STPG2: variants seen among roughly 807,000 people sequenced by gnomAD.
STPG2 encodes the protein sperm tail PG-rich repeat containing 2, also known as sperm-tail PG-rich repeat-containing protein 2.
Under a neutral mutation model 54.2 loss-of-function variants are expected in STPG2, and 56 were observed. The observed-to-expected ratio is 1.03, with a 90% CI of 0.83 to 1.29. STPG2 has a LOEUF of 1.29. Among genes scored for constraint, STPG2 ranks in the 50% most tolerant of loss-of-function variants. The pLI is 0.00. For missense variants in STPG2, 596 were observed against 544.9 expected (o/e 1.09, Z -0.93); for synonymous variants, 200 against 181.8 (o/e 1.10, Z -0.81).
intron 9 of STPG2, among the ~76,000 whole-genome samples, chr4:97,724,435 T>A (rs1050446001): frequency 6.6e-6 from 1 of 152,170 alleles, no homozygotes; most frequent in Non-Finnish European, 1.5e-5. Flanking sequence ...ATTCTCTTTA[T>A]GAAATTGTTT....
chr4:97,924,797 G>A (rs1421843317), intron 8 of STPG2, among the ~76,000 whole-genome samples: 2 of 152,046 alleles, frequency 1.3e-5, no homozygotes, highest in Admixed American at 6.6e-5. Flanking sequence ...TTGCATCAGG[G>A]ACCTTAAATT....
rs1248203978 is a variant in STPG2, at chr4:97,628,571, G to A, written c.1321-69454C>T. Reference sequence around the variant, plus strand: ...AATGTTTATTTTATCACTGTGCTTAGCAATTAATGTGTTACTATATTTCAT... The same window carrying A: ...AATGTTTATTTTATCACTGTGCTTAACAATTAATGTGTTACTATATTTCAT... On this transcript the variant is annotated intron_variant, in intron 10 of 10. Coordinates refer to ENST00000295268, the MANE Select transcript of STPG2 (RefSeq NM_174952.3). Among the ~76,000 whole-genome samples, 5 of 152,034 alleles carry A rather than the reference G, an allele frequency of 3.3e-5. No homozygotes were observed. The East Asian group carries it at 9.6e-4, about 29-fold the overall frequency.
At chr4:97,742,559 G>GTATATATATA (rs1190365992) in intron 9 of STPG2, among the ~76,000 whole-genome samples, 1 of 132,680 alleles carries the variant, frequency 7.5e-6, no homozygotes, top group African/African-American at 3.1e-5. Flanking sequence ...GTGTGTGTGT[G>GTATATATATA]TGTGTGTCTA....
chr4:97,772,037 A>G (rs1726236799), intron 9 of STPG2, among the ~76,000 whole-genome samples: 1 of 152,182 alleles, frequency 6.6e-6, no homozygotes, highest in Non-Finnish European at 1.5e-5. Flanking sequence ...GAAACTGGAG[A>G]GCCCCTTCCT....
chr4:97,661,626 C>G (rs1205359485), intron 10 of STPG2, among the ~76,000 whole-genome samples: 1 of 151,878 alleles, frequency 6.6e-6, no homozygotes, highest in Non-Finnish European at 1.5e-5. Context: ...CTGAAATTCT[C>G]TATACTCCTT....
At chr4:97,977,803 G>A (rs1734545263) in intron 6 of STPG2, among the ~76,000 whole-genome samples, 1 of 152,174 alleles carries the variant, frequency 6.6e-6, no homozygotes, top group African/African-American at 2.4e-5. Context: ...AAAATCTGTG[G>A]CAGCGACTTT....
At chr4:98,051,100 A>C (rs1366897532) in intron 5 of STPG2, among the ~76,000 whole-genome samples, 1 of 152,060 alleles carries the variant, frequency 6.6e-6, no homozygotes, top group Non-Finnish European at 1.5e-5. Context: ...AAATCCAAAC[A>C]ATTGCTGAAT....
At chr4:97,733,067 C>A (rs1724858667) in intron 9 of STPG2, among the ~76,000 whole-genome samples, 1 of 152,038 alleles carries the variant, frequency 6.6e-6, no homozygotes, top group Non-Finnish European at 1.5e-5. Flanking sequence ...ACCATTCAAT[C>A]CAGCAATCCC....
At chr4:97,642,447 T>C (rs1185954609) in intron 10 of STPG2, among the ~76,000 whole-genome samples, 3 of 151,440 alleles carry the variant, frequency 2.0e-5, no homozygotes, top group Admixed American at 6.6e-5. Flanking sequence ...ATATAAAATG[T>C]ACTTTGCCAT....
intron 1 of STPG2, among the ~76,000 whole-genome samples, chr4:98,140,038 A>C (rs978038941): frequency 2.6e-5 from 4 of 152,240 alleles, no homozygotes; most frequent in African/African-American, 9.6e-5. Context: ...AGTGCTATAA[A>C]GGTCATTAAG....
chr4:97,941,173 T>C (rs1391537149), intron 8 of STPG2, among the ~76,000 whole-genome samples: 1 of 152,076 alleles, frequency 6.6e-6, no homozygotes, highest in Non-Finnish European at 1.5e-5. Context: ...AGCTAGTACC[T>C]GACATAAGTT....
At chr4:97,868,075 A>G (rs777175750) in intron 8 of STPG2, among the ~76,000 whole-genome samples, 3 of 151,974 alleles carry the variant, frequency 2.0e-5, no homozygotes, top group Non-Finnish European at 4.4e-5. Flanking sequence ...CATTATTACT[A>G]TAACTTCCAT....
At chr4:98,100,956 G>T (rs986658637) in intron 5 of STPG2, among the ~76,000 whole-genome samples, 1 of 152,040 alleles carries the variant, frequency 6.6e-6, no homozygotes, top group Admixed American at 6.6e-5. Flanking sequence ...GATTACAGTC[G>T]TGAGCCACTG....
intron 4 of STPG2, 68 bp from the exon 5 acceptor site, chr4:98,106,132 G>T: frequency 1.8e-6 from 2 of 1,093,868 alleles, no homozygotes; most frequent in Non-Finnish European, 2.5e-6. Context: ...TGTAAGCAAA[G>T]AAATTCTTTC....
intron 10 of STPG2, among the ~76,000 whole-genome samples, chr4:97,594,767 C>A (rs538260927): frequency 1.3e-5 from 2 of 152,246 alleles, no homozygotes; most frequent in Non-Finnish European, 2.9e-5. Context: ...TCAAAGGGAA[C>A]CCCATCAGGT....
chr4:97,634,175 TCCCTGAC>T (rs1412552680), intron 10 of STPG2, among the ~76,000 whole-genome samples: 9 of 152,166 alleles, frequency 5.9e-5, no homozygotes, highest in Admixed American at 1.3e-4. Context: ...CTCAAGTGGG[TCCCTGAC>T]CCCTGACCCC....
chr4:97,760,726 T>C (rs1163759842), intron 9 of STPG2, among the ~76,000 whole-genome samples: 1 of 152,182 alleles, frequency 6.6e-6, no homozygotes, highest in African/African-American at 2.4e-5. Context: ...TATGCTAGTT[T>C]CCCATTGCTG....
intron 8 of STPG2, among the ~76,000 whole-genome samples, chr4:97,872,490 A>G (rs978581508): frequency 6.6e-6 from 1 of 151,264 alleles, no homozygotes; most frequent in African/African-American, 2.4e-5. Context: ...TAATTAGAAG[A>G]CACTCTAAGT....
At chr4:98,053,785 T>C (rs1432478454) in intron 5 of STPG2, among the ~76,000 whole-genome samples, 1 of 152,140 alleles carries the variant, frequency 6.6e-6, no homozygotes, top group African/African-American at 2.4e-5. Flanking sequence ...AAGCTAAAGA[T>C]ATATAAATCC....
Sources: gnomAD v4.1 joint callset for allele counts (sites outside exome capture counted in the v4.1 genomes callset) on GRCh38, gnomAD v4.1.1 for gene constraint, MANE v1.5 for transcripts, NCBI Gene and HGNC (gene_info 2026-07-23, HGNC 2026-07-21) for gene names.